Variants in DTYMK observed in about 807,000 individuals in gnomAD.
The protein encoded by DTYMK is thymidylate kinase.
In DTYMK, 20 loss-of-function variants were observed where a neutral mutation model predicts 20.3. That is an observed-to-expected ratio of 0.99 (90% CI 0.69 to 1.43). The LOEUF is 1.43. DTYMK is among the 40% of genes most tolerant of loss of function. The probability of loss-of-function intolerance (pLI) is 0.00; values close to 1 mark genes in which losing one functional copy is unlikely to be tolerated. For synonymous variants in DTYMK, 148 were observed against 124.4 expected (o/e 1.19, Z -1.27); for missense variants, 320 against 291.1 (o/e 1.10, Z -0.72).
rs142642777 is a variant in DTYMK, at chr2:241,682,524, A to G, written c.240-2205T>C. ...GGGCCAAGGCTGGGCGTAATGGCTC[A>G]TGCCTATATTCCCAACACTTTGGGA... On this transcript the variant is annotated intron_variant, in intron 2 of 4. Coordinates refer to ENST00000305784, the MANE Select transcript of DTYMK (RefSeq NM_012145.4). 9.2e-3 allele frequency among the ~76,000 whole-genome samples: 1,400 copies of G among 152,352 alleles called. 5 individuals carry two copies. Among genetic ancestry groups the G allele is most frequent in the Non-Finnish European group, 0.016 (1,075 of 68,030 alleles).
chr2:241,682,227 G>C (rs1299259398), intron 2 of DTYMK: 1 of 453,804 alleles, frequency 2.2e-6, no homozygotes, highest in African/African-American at 2.0e-5. Context: ...TATAGTTGCA[G>C]CTACTTGGGA....
rs2069431218 is a variant in DTYMK, at chr2:241,686,804, T to G, written c.-21A>C. ...GCCATGACTGTCCACCGCCCGCCGC[T>G]GGCGTCTCCACGCAGCCTTCCGGAG... On this transcript the variant is annotated 5_prime_UTR_variant, in exon 1 of 5. Transcript: ENST00000305784. The G allele has an allele frequency of 2.8e-6, 4 of 1,443,516 alleles. No homozygotes were observed. The South Asian group carries it at 4.4e-5, about 16-fold the overall frequency. 89.4% of individuals were successfully genotyped at this position (1,443,516 alleles called of 1,614,324 possible).
In DTYMK at chr2:241,686,702, C is replaced by A; in HGVS notation, c.82G>T (p.Glu28Ter). 6.5e-7 allele frequency: 1 copy of A among 1,542,258 alleles called. No homozygotes were observed. Among genetic ancestry groups the A allele is most frequent in the South Asian group, 1.2e-5 (1 of 85,222 alleles). Residue 28 changes from glutamate to a stop codon, truncating the protein, a stop_gained, in exon 1 of 5, where the codon GAA becomes TAA. Transcript: ENST00000305784. LOFTEE classifies it high-confidence loss of function. ...GKSTQSRKLVEALCAAGHRAE... is the reference protein window; with the variant it reads ...GKSTQSRKLV ...CGGTGGCCCGCGGCGCACAGCGCTT[C>A]CACCAGCTTGCGGCTCTGCGTGCTC...
At chr2:241,682,204 G>C in intron 2 of DTYMK, 1 of 452,584 alleles carries the variant, frequency 2.2e-6, no homozygotes, top group South Asian at 1.6e-5. Flanking sequence ...TTAGCCAGGT[G>C]TGTTAACGTG....
chr2:241,684,525 G>A (rs1027005303), intron 2 of DTYMK, among the ~76,000 whole-genome samples: 1 of 152,166 alleles, frequency 6.6e-6, no homozygotes, highest in Non-Finnish European at 1.5e-5. Flanking sequence ...ACAATGCGAC[G>A]ACAATTAAAG....
At chr2:241,679,909 C>T (rs1321186924) in intron 3 of DTYMK, among the ~76,000 whole-genome samples, 1 of 142,342 alleles carries the variant, frequency 7.0e-6, no homozygotes, top group African/African-American at 2.6e-5. Context: ...GCAGAGGTTG[C>T]AATGAGCTGA....
chr2:241,675,918 T>C lies in DTYMK; in HGVS notation c.*209A>G, dbSNP rs899667567. The C allele has an allele frequency of 4.5e-5, 23 of 506,270 alleles. No individual in the cohort carries two copies. The highest frequency in any genetic ancestry group is 7.4e-5 in the Non-Finnish European group (21 of 285,668). 31.4% of individuals were successfully genotyped at this position (506,270 alleles called of 1,614,324 possible). Reference sequence around the variant, plus strand: ...AGGGCAGGAGACTGCTCCATCGCTCTGCTCATGTCCACACTGCCAAGGTCC... The same window carrying C: ...AGGGCAGGAGACTGCTCCATCGCTCCGCTCATGTCCACACTGCCAAGGTCC... On this transcript the variant is annotated 3_prime_UTR_variant, in exon 5 of 5. Transcript: ENST00000305784.
At chr2:241,678,786 AT>A in intron 3 of DTYMK, 137 bp from the exon 4 acceptor site, 2 of 1,000,662 alleles carry the variant, frequency 2.0e-6, no homozygotes, top group Non-Finnish European at 2.9e-6. Flanking sequence ...GGCTCGTTTA[AT>A]TTTTAGAACC....
rs1440972095 is a variant in DTYMK, at chr2:241,676,135, A to G, written c.631T>C (p.Trp211Arg). 2 of 1,611,312 alleles carry G rather than the reference A, an allele frequency of 1.2e-6. No homozygotes were observed. The highest frequency in any genetic ancestry group is 1.7e-5 in the Admixed American group (1 of 59,894). Residue 211 changes from tryptophan to arginine, a missense_variant, in exon 5 of 5, where the codon TGG becomes CGG. Transcript: ENST00000305784. ...CAGTGGGCAGCCTTGGGTCACTTCC[A>G]TAGCTCCCCCAGCGGCTTCTCTGTG... is the stretch of plus-strand genomic sequence containing the variant. The part of the protein sequence containing the change: ...TATEKPLGEL[W>R]K
chr2:241,678,379 CTG>C (rs1222271740), intron 4 of DTYMK, 71 bp downstream of exon 4: 4 of 1,591,280 alleles, frequency 2.5e-6, no homozygotes, highest in African/African-American at 2.7e-5. Flanking sequence ...GCTGACACAA[CTG>C]TGCCAGCCAC....
In DTYMK at chr2:241,676,250, G is replaced by C; in HGVS notation, c.529-13C>G. On this transcript the variant is annotated splice_polypyrimidine_tract_variant and intron_variant, in intron 4 of 4. Transcript: ENST00000305784. ...AAGCATCCACCATCTGTTCCCACCG[G>C]GGTTTCAGGAGAAAAAGAGGCTCAT... 6.2e-7 allele frequency: 1 copy of C among 1,605,028 alleles called. No individual in the cohort carries two copies.
chr2:241,677,057 C>A (rs1487830560), intron 4 of DTYMK, among the ~76,000 whole-genome samples: 2 of 152,260 alleles, frequency 1.3e-5, no homozygotes, highest in South Asian at 2.1e-4. Context: ...CTTCTCTCCA[C>A]CAGAAGGCAG....
At position 241,676,026 on chromosome 2, in the gene DTYMK, G is replaced by A. The variant is rs1340187890; in HGVS notation, c.*101C>T. On this transcript the variant is annotated 3_prime_UTR_variant, in exon 5 of 5. Transcript: ENST00000305784. ...TCTCTGCTGCCGGGAAAGAGCTCCT[G>A]AAGTTGTGGGGTCTGGACTCTGCTG... The A allele has an allele frequency of 2.7e-6, 3 of 1,117,716 alleles. No homozygotes were observed. The highest frequency in any genetic ancestry group is 1.6e-5 in the African/African-American group (1 of 62,906). 69.2% of individuals were successfully genotyped at this position (1,117,716 alleles called of 1,614,324 possible).
chr2:241,681,181 G>A (rs2069249612), intron 2 of DTYMK, among the ~76,000 whole-genome samples: 1 of 152,206 alleles, frequency 6.6e-6, no homozygotes, highest in Non-Finnish European at 1.5e-5. Context: ...GACAGAGAAA[G>A]AAAAGTCCGA....
chr2:241,683,454 A>G (rs2069311788), intron 2 of DTYMK, among the ~76,000 whole-genome samples: 1 of 152,138 alleles, frequency 6.6e-6, no homozygotes, highest in African/African-American at 2.4e-5. Context: ...TAAGCTCATC[A>G]GCAATTGTTA....
intron 2 of DTYMK, chr2:241,684,857 CATAA>C (rs1474233801): frequency 4.9e-6 from 2 of 411,030 alleles, no homozygotes; most frequent in Non-Finnish European, 1.0e-5. Flanking sequence ...TAACACAGCA[CATAA>C]ATAATGGGGA....
intron 3 of DTYMK, among the ~76,000 whole-genome samples, chr2:241,679,043 G>C (rs2069182183): frequency 6.6e-6 from 1 of 152,188 alleles, no homozygotes; most frequent in African/African-American, 2.4e-5. Context: ...ACAGGCACGA[G>C]GTCCTTGGCA....
At chr2:241,685,599 C>T (rs1209426790) in intron 2 of DTYMK, 170 bp downstream of exon 2, 10 of 605,494 alleles carry the variant, frequency 1.7e-5, no homozygotes, top group Non-Finnish European at 2.8e-5. Flanking sequence ...TCATTAGCGC[C>T]CTTTGGGAAC....
intron 2 of DTYMK, 42 bp downstream of exon 2, chr2:241,685,727 A>C (rs1165586289): frequency 1.5e-5 from 24 of 1,581,404 alleles, no homozygotes; most frequent in Non-Finnish European, 2.1e-5. Context: ...AGGAGGAAGG[A>C]AAGTGGCAAG....
Sources: gnomAD v4.1 joint callset for allele counts (sites outside exome capture counted in the v4.1 genomes callset) on GRCh38, gnomAD v4.1.1 for gene constraint, MANE v1.5 for transcripts, NCBI Gene and HGNC (gene_info 2026-07-23, HGNC 2026-07-21) for gene names.